Variants in NDUFS4 observed in about 807,000 individuals in gnomAD.
The protein encoded by NDUFS4 is NADH dehydrogenase [ubiquinone] iron-sulfur protein 4, mitochondrial.
NDUFS4 carries 28 observed loss-of-function variants against 24.3 expected under a neutral mutation model. The ratio of observed to expected loss-of-function variants is 1.15; its 90% confidence interval spans 0.85 to 1.58. NDUFS4 has a LOEUF of 1.58. Among genes scored for constraint, NDUFS4 ranks in the 40% most tolerant of loss-of-function variants. The pLI, the probability that NDUFS4 is intolerant of heterozygous loss-of-function variation, is 0.00. For missense variants in NDUFS4, 223 were observed against 207.9 expected (o/e 1.07, Z -0.45); for synonymous variants, 93 against 69.7 (o/e 1.34, Z -1.67).
intron 3 of NDUFS4, among the ~76,000 whole-genome samples, chr5:53,647,255 C>T (rs966144263): frequency 3.3e-5 from 5 of 151,898 alleles, no homozygotes; most frequent in African/African-American, 1.2e-4. Context: ...CCCCCTTGCC[C>T]AGGCTGGAGT....
intron 4 of NDUFS4, among the ~76,000 whole-genome samples, chr5:53,662,262 T>C (rs1752366154): frequency 6.6e-6 from 1 of 152,150 alleles, no homozygotes; most frequent in Non-Finnish European, 1.5e-5. Flanking sequence ...AATCATGTGG[T>C]TTTTGTCTTT....
rs139286015 is a variant in NDUFS4 at position 53,648,202 on chromosome 5, A to G, written c.350+1797A>G. Among the ~76,000 whole-genome samples, 1,407 of 152,268 alleles carry G rather than the reference A, an allele frequency of 9.2e-3. 16 individuals carry two copies. Among genetic ancestry groups the G allele is most frequent in the African/African-American group, 0.032 (1,333 of 41,556 alleles). On this transcript the variant is annotated intron_variant, in intron 3 of 4. Coordinates refer to ENST00000296684, the MANE Select transcript of NDUFS4 (RefSeq NM_002495.4). Reference sequence around the variant, plus strand: ...AACTTAGTCTTTGGAGTGAATCTGTATATGTGAGATGAGCCGCCATGTCAT... The same window carrying G: ...AACTTAGTCTTTGGAGTGAATCTGTGTATGTGAGATGAGCCGCCATGTCAT...
At chr5:53,637,213 AG>A (rs36080518) in intron 2 of NDUFS4, among the ~76,000 whole-genome samples, 34,069 of 151,930 alleles carry the variant, frequency 0.22, 4,629 homozygotes, top group East Asian at 0.46. Context: ...GAGGTCCCCA[AG>A]TATCCTGAGG....
chr5:53,564,829 C>T (rs1161787824), intron 1 of NDUFS4, among the ~76,000 whole-genome samples: 5 of 152,088 alleles, frequency 3.3e-5, no homozygotes, highest in Non-Finnish European at 7.4e-5. Flanking sequence ...CGTATCCAGC[C>T]GGAAAATTAA....
chr5:53,675,098 A>C (rs1326775444), intron 4 of NDUFS4, among the ~76,000 whole-genome samples: 1 of 151,626 alleles, frequency 6.6e-6, no homozygotes, highest in Admixed American at 6.6e-5. Context: ...GAAAATTTTA[A>C]GATTACTCAA....
At chr5:53,682,519 C>CAGAT (rs67904129) in intron 4 of NDUFS4, among the ~76,000 whole-genome samples, 31,066 of 151,426 alleles carry the variant, frequency 0.21, 3,683 homozygotes, top group East Asian at 0.46. Context: ...CCAATTAGTG[C>CAGAT]AGATAGATAG....
intron 4 of NDUFS4, 79 bp downstream of exon 4, chr5:53,658,703 A>G (rs1484412523): frequency 2.4e-6 from 3 of 1,275,332 alleles, no homozygotes; most frequent in Non-Finnish European, 3.4e-6. Flanking sequence ...TTAAGTATAC[A>G]GAATTTGAGT....
At chr5:53,573,492 G>T (rs1749282783) in intron 1 of NDUFS4, 1 of 391,668 alleles carries the variant, frequency 2.6e-6, no homozygotes, top group African/African-American at 2.1e-5. Flanking sequence ...GTAGTTTTGA[G>T]CGTGCAGATC....
intron 2 of NDUFS4, among the ~76,000 whole-genome samples, chr5:53,633,027 C>T (rs1395537305): frequency 6.6e-6 from 1 of 152,140 alleles, no homozygotes. Flanking sequence ...TAGTATATTG[C>T]CAGACTTCAG....
At chr5:53,592,783 A>G (rs762606609) in intron 1 of NDUFS4, among the ~76,000 whole-genome samples, 3 of 152,194 alleles carry the variant, frequency 2.0e-5, no homozygotes, top group Admixed American at 1.3e-4. Context: ...TGCAGTGTGT[A>G]GTAAGTCTTA....
chr5:53,640,708 A>T (rs1844696), intron 2 of NDUFS4, among the ~76,000 whole-genome samples: 1 of 152,090 alleles, frequency 6.6e-6, no homozygotes, highest in African/African-American at 2.4e-5. Context: ...ATGACCCAAA[A>T]ACCTCCCGTT....
chr5:53,665,181 C>G (rs1239484145), intron 4 of NDUFS4, among the ~76,000 whole-genome samples: 4 of 152,146 alleles, frequency 2.6e-5, no homozygotes, highest in African/African-American at 9.7e-5. Context: ...CTGATTGTTC[C>G]TCTGGAAGCT....
At chr5:53,674,027 C>T (rs911428872) in intron 4 of NDUFS4, among the ~76,000 whole-genome samples, 1 of 152,072 alleles carries the variant, frequency 6.6e-6, no homozygotes, top group Non-Finnish European at 1.5e-5. Flanking sequence ...TTTTCTCACC[C>T]ATCACATAGG....
intron 4 of NDUFS4, among the ~76,000 whole-genome samples, chr5:53,665,589 A>G (rs546551338): frequency 6.6e-6 from 1 of 152,310 alleles, no homozygotes; most frequent in East Asian, 1.9e-4. Flanking sequence ...TGTGCTAACA[A>G]TGAGCGAGGC....
chr5:53,602,766 G>A (rs1186956654), intron 1 of NDUFS4, among the ~76,000 whole-genome samples: 1 of 152,182 alleles, frequency 6.6e-6, no homozygotes, highest in Admixed American at 6.5e-5. Context: ...TCACAGCACA[G>A]TCAGGGATAT....
rs117118526 is a variant in NDUFS4, at chr5:53,587,848, G to A, written c.99-15604G>A. ...CCGGCCTCAGTCTCCCAAAGAACTG[G>A]GATTACAGGTGTGACACCATGCCTG... On this transcript the variant is annotated intron_variant, in intron 1 of 4. Transcript: ENST00000296684. Among the ~76,000 whole-genome samples the A allele has an allele frequency of 1.8e-4, 27 of 152,204 alleles. No homozygotes were observed. The East Asian group carries it at 4.4e-3, about 25-fold the overall frequency.
chr5:53,622,368 T>G (rs2112479569), intron 2 of NDUFS4, among the ~76,000 whole-genome samples: 1 of 152,302 alleles, frequency 6.6e-6, no homozygotes, highest in Non-Finnish European at 1.5e-5. Context: ...ATTCCGAGGT[T>G]AAGGTACCAG....
chr5:53,681,806 TTAAAA>T (rs1316553533), intron 4 of NDUFS4, among the ~76,000 whole-genome samples: 3 of 152,088 alleles, frequency 2.0e-5, no homozygotes, highest in Non-Finnish European at 2.9e-5. Flanking sequence ...AAAGTTTAAA[TTAAAA>T]TACGCTGTTA....
intron 4 of NDUFS4, among the ~76,000 whole-genome samples, chr5:53,682,787 A>AAAG (rs1259940172): frequency 1.3e-5 from 2 of 152,102 alleles, no homozygotes; most frequent in Non-Finnish European, 2.9e-5. Flanking sequence ...CAACTATTTT[A>AAAG]AAGGCCTATG....
Sources: gnomAD v4.1 joint callset for allele counts (sites outside exome capture counted in the v4.1 genomes callset) on GRCh38, gnomAD v4.1.1 for gene constraint, MANE v1.5 for transcripts, NCBI Gene and HGNC (gene_info 2026-07-23, HGNC 2026-07-21) for gene names.